The following POC1A variants were observed in gnomAD, a reference collection of about 807,000 sequenced individuals.
POC1A encodes the protein POC1 centriolar protein homolog A.
A neutral mutation model predicts 47.8 loss-of-function variants in POC1A; 34 were observed. That is an observed-to-expected ratio of 0.71 (90% CI 0.54 to 0.95). POC1A has a LOEUF of 0.95. POC1A is among the 40% of genes least tolerant of loss of function. POC1A has a pLI of 0.00. For missense variants in POC1A, 466 were observed against 528.3 expected (o/e 0.88, Z 1.16); for synonymous variants, 177 against 207.6 (o/e 0.85, Z 1.27).
In POC1A at chr3:52,075,391, T is replaced by G. The variant is rs747343; in HGVS notation, c.*496A>C. ...ACCACCCACTTGAGAGGGCTTGTTC[T>G]CAACAAACCTGACTCAGATGGGCCC... On this transcript the variant is annotated 3_prime_UTR_variant, in exon 11 of 11. Transcript: ENST00000296484. 2 of 155,570 alleles carry G rather than the reference T, an allele frequency of 1.3e-5. No individual in the cohort carries two copies. The highest frequency in any genetic ancestry group is 4.8e-5 in the African/African-American group (2 of 41,430). The allele number at this position is 155,570 out of a possible 1,614,324, so 9.6% of individuals were successfully genotyped here. A position where few individuals can be genotyped will look rare whatever the true frequency, so the allele number is the denominator to read the frequency against.
chr3:52,141,836 GA>G (rs61144900), intron 6 of POC1A, among the ~76,000 whole-genome samples: 46 of 143,752 alleles, frequency 3.2e-4, no homozygotes, highest in Middle Eastern at 3.5e-3. Context: ...CTCTGAAAGA[GA>G]AAAAAAAAAA....
intron 4 of POC1A, among the ~76,000 whole-genome samples, chr3:52,148,432 T>A (rs1383922281): frequency 1.3e-5 from 2 of 152,354 alleles, no homozygotes; most frequent in African/African-American, 4.8e-5. Context: ...TTTCCTAATG[T>A]CACCTGGCAC....
At position 52,131,531 on chromosome 3, in the gene POC1A, T is replaced by C. The variant is rs531395136; in HGVS notation, c.814-6350A>G. 1.0e-3 allele frequency among the ~76,000 whole-genome samples: 154 copies of C among 152,242 alleles called. 1 individual carries two copies. The highest frequency in any genetic ancestry group is 3.4e-3 in the African/African-American group (142 of 41,540). On this transcript the variant is annotated intron_variant, in intron 7 of 10. Coordinates refer to ENST00000296484, the MANE Select transcript of POC1A (RefSeq NM_015426.5). The stretch of plus-strand genomic sequence containing the variant: ...GCCTCAAATAGGGCACTGGCACCAG[T>C]GCCACCACGCGGGTCTCCTGATCCA...
chr3:52,103,279 C>A (rs143180443), intron 9 of POC1A, among the ~76,000 whole-genome samples: 239 of 152,342 alleles, frequency 1.6e-3, no homozygotes, highest in African/African-American at 5.3e-3. Context: ...GTTATCCCAG[C>A]ACTTTGGGAG....
At chr3:52,128,321 T>A (rs1373766176) in intron 7 of POC1A, among the ~76,000 whole-genome samples, 1 of 152,010 alleles carries the variant, frequency 6.6e-6, no homozygotes, top group Non-Finnish European at 1.5e-5. Flanking sequence ...AACAAAACAC[T>A]CAGCTCAGCA....
At chr3:52,138,342 C>T (rs907045249) in intron 6 of POC1A, 40 bp from the exon 7 acceptor site, 6 of 1,584,286 alleles carry the variant, frequency 3.8e-6, no homozygotes, top group Non-Finnish European at 5.2e-6. Flanking sequence ...CTAGGAGGCA[C>T]AGGGAGCACA....
chr3:52,124,079 G>T (rs1205861298), intron 8 of POC1A, among the ~76,000 whole-genome samples: 1 of 152,206 alleles, frequency 6.6e-6, no homozygotes, highest in Non-Finnish European at 1.5e-5. Context: ...GGTAGATTTG[G>T]CTGAGACCAG....
intron 10 of POC1A, among the ~76,000 whole-genome samples, chr3:52,078,804 A>G (rs902102142): frequency 6.6e-6 from 1 of 152,242 alleles, no homozygotes; most frequent in Non-Finnish European, 1.5e-5. Flanking sequence ...CGGCTGAAAC[A>G]TGGAAATCTG....
chr3:52,122,670 A>G (rs1263243354), intron 8 of POC1A, among the ~76,000 whole-genome samples, 193 bp from the exon 9 acceptor site: 1 of 152,194 alleles, frequency 6.6e-6, no homozygotes, highest in African/African-American at 2.4e-5. Flanking sequence ...ACAGGCCTCA[A>G]GAGGACCTGG....
At chr3:52,087,983 C>A (rs993834570) in intron 10 of POC1A, among the ~76,000 whole-genome samples, 1 of 152,248 alleles carries the variant, frequency 6.6e-6, no homozygotes, top group Non-Finnish European at 1.5e-5. Context: ...CCAAACAGGG[C>A]TGAGCATGGG....
chr3:52,098,115 G>A (rs987908240), intron 9 of POC1A, among the ~76,000 whole-genome samples: 1 of 152,198 alleles, frequency 6.6e-6, no homozygotes, highest in Admixed American at 6.5e-5. Flanking sequence ...GATGAAGACT[G>A]GGCCAGTCCT....
chr3:52,118,061 C>T, intron 9 of POC1A, among the ~76,000 whole-genome samples: 1 of 152,156 alleles, frequency 6.6e-6, no homozygotes. Context: ...CCCTTGAAAA[C>T]ACGAGCACGG....
In POC1A at chr3:52,138,087, C is replaced by T. The variant is rs1285905472; in HGVS notation, c.813+82G>A. The T allele has an allele frequency of 3.4e-6, 5 of 1,471,010 alleles. No individual in the cohort carries two copies. In the East Asian group the frequency reaches 1.1e-4, roughly 33 times the overall value. The allele number at this position is 1,471,010 out of a possible 1,614,324, so 91.1% of individuals were successfully genotyped here. A position where few individuals can be genotyped will look rare whatever the true frequency, so the allele number is the denominator to read the frequency against. On this transcript the variant is annotated intron_variant, in intron 7 of 10. Transcript: ENST00000296484. ...CCTGCAGGCTGTGTGGGTGACAAGCCTGTTTCTGCATCTTGCCCACTGCCC... is the reference window on the plus strand; with the variant it reads ...CCTGCAGGCTGTGTGGGTGACAAGCTTGTTTCTGCATCTTGCCCACTGCCC...
At chr3:52,131,700 G>T (rs1267370505) in intron 7 of POC1A, among the ~76,000 whole-genome samples, 1 of 152,170 alleles carries the variant, frequency 6.6e-6, no homozygotes. Context: ...CTGGGTCGGG[G>T]AGTCTCCCCA....
At chr3:52,146,009 C>T (rs776968739) in intron 5 of POC1A, 48 bp from the exon 6 acceptor site, 5 of 1,150,212 alleles carry the variant, frequency 4.3e-6, no homozygotes, top group Non-Finnish European at 6.5e-6. Flanking sequence ...TGCCCTGGTT[C>T]AGGACGGACC....
rs532066879 is a variant in POC1A, at chr3:52,079,429, A to G, written c.1126-3444T>C. ...TGGAGGGTGAGGAGGAGCGCTCTGC[A>G]GGCAAATACCTCTGCGGCCTCCCCG... On this transcript the variant is annotated intron_variant, in intron 10 of 10. Transcript: ENST00000296484. This position sits in a 1 kb window ranked among gnomAD's most constrained non-coding sequence, Gnocchi z 4.6. Among the ~76,000 whole-genome samples, 1 of 152,224 alleles carries G rather than the reference A, an allele frequency of 6.6e-6. No individual in the cohort carries two copies. Among genetic ancestry groups the G allele is most frequent in the Admixed American group, 6.5e-5 (1 of 15,286 alleles).
intron 7 of POC1A, among the ~76,000 whole-genome samples, chr3:52,132,920 C>T (rs906006394): frequency 6.6e-6 from 1 of 151,878 alleles, no homozygotes; most frequent in Non-Finnish European, 1.5e-5. Context: ...GTGGCGTGCA[C>T]GTGTAATCCC....
At chr3:52,098,129 A>G (rs1702881671) in intron 9 of POC1A, among the ~76,000 whole-genome samples, 1 of 152,182 alleles carries the variant, frequency 6.6e-6, no homozygotes, top group South Asian at 2.1e-4. Context: ...CAGTCCTTCA[A>G]ACGGCTGGGC....
intron 10 of POC1A, among the ~76,000 whole-genome samples, chr3:52,088,893 C>T (rs1702551297): frequency 6.8e-6 from 1 of 147,058 alleles, no homozygotes; most frequent in Admixed American, 6.9e-5. Context: ...CCCCCATCTC[C>T]AAGCCAGCTC....
Sources: gnomAD v4.1 joint callset for allele counts (sites outside exome capture counted in the v4.1 genomes callset) on GRCh38, gnomAD v4.1.1 for gene constraint, Gnocchi (gnomAD v3.1) non-coding constraint, MANE v1.5 for transcripts, NCBI Gene and HGNC (gene_info 2026-07-23, HGNC 2026-07-21) for gene names.